LY86: variants seen among roughly 807,000 people sequenced by gnomAD.
LY86 encodes MD-1, RP105-associated.
A neutral mutation model predicts 17.3 loss-of-function variants in LY86; 20 were observed. The observed-to-expected ratio is 1.15, with a 90% CI of 0.81 to 1.68. LY86 has a LOEUF of 1.68. LY86 is among the 40% of genes most tolerant of loss of function. LY86 has a pLI of 0.00. For missense variants in LY86, 200 were observed against 191.9 expected, an observed-to-expected ratio of 1.04 and a Z score of -0.25; for synonymous variants, 74 against 70.6, an observed-to-expected ratio of 1.05 and a Z score of -0.24.
intron 1 of LY86, among the ~76,000 whole-genome samples, chr6:6,613,330 C>T (rs116113766): frequency 0.03 from 4,637 of 152,338 alleles, 138 homozygotes; most frequent in African/African-American, 0.07. Context: ...AGCAGGGTGG[C>T]GCTGCTCGTC....
Position 6,612,036 on chromosome 6 carries a change from GGA to G in LY86, c.137-12884_137-12883del, listed in dbSNP as rs754897595. On this transcript the variant is annotated intron_variant, in intron 1 of 4. Transcript: ENST00000230568. ...ATAATCTTTGTGGTCTCTTGTATTA[GGA>G]GAGAGCAAATTGAAGATGTTAAAAA... is the stretch of plus-strand genomic sequence containing the variant. Among the ~76,000 whole-genome samples the G allele has an allele frequency of 2.6e-4, 39 of 152,290 alleles. 1 individual carries two copies. In the East Asian group the frequency reaches 4.1e-3, roughly 16 times the overall value.
Position 6,613,538 on chromosome 6 carries a change from C to G in LY86, c.137-11388C>G, listed in dbSNP as rs9504872. Among the ~76,000 whole-genome samples, 3 of 152,068 alleles carry G rather than the reference C, an allele frequency of 2.0e-5. No individual in the cohort carries two copies. In the South Asian group the frequency reaches 6.2e-4, roughly 31 times the overall value. Reference sequence around the variant, plus strand: ...GGGCTTGCTGTCAGGCCGGCCGCTCCGAGTGCGGGGCCCGCCGATCCCACG... The same window carrying G: ...GGGCTTGCTGTCAGGCCGGCCGCTCGGAGTGCGGGGCCCGCCGATCCCACG... On this transcript the variant is annotated intron_variant, in intron 1 of 4. Coordinates refer to ENST00000230568, the MANE Select transcript of LY86 (RefSeq NM_004271.4).
intron 1 of LY86, among the ~76,000 whole-genome samples, chr6:6,612,037 G>A (rs1054900604): frequency 4.9e-5 from 6 of 122,138 alleles, no homozygotes; most frequent in Admixed American, 1.7e-4. Context: ...CTTGTATTAG[G>A]AGAGAGCAAA....
intron 2 of LY86, 86 bp from the exon 3 acceptor site, chr6:6,626,207 T>C: frequency 7.4e-7 from 1 of 1,344,918 alleles, no homozygotes; most frequent in Admixed American, 2.2e-5. Context: ...AAAGGTTCTT[T>C]AGCTCATGCT....
chr6:6,626,812 T>C (rs1160639165), intron 3 of LY86, among the ~76,000 whole-genome samples: 1 of 147,508 alleles, frequency 6.8e-6, no homozygotes, highest in Non-Finnish European at 1.5e-5. Context: ...AATATAGTAA[T>C]GGACTTCAAA....
chr6:6,646,751 T>C (rs1329080567), intron 3 of LY86, among the ~76,000 whole-genome samples: 1 of 152,220 alleles, frequency 6.6e-6, no homozygotes, highest in Non-Finnish European at 1.5e-5. Flanking sequence ...TATTATAATC[T>C]TTTCCTTATG....
At chr6:6,592,329 G>A (rs903907816) in intron 1 of LY86, among the ~76,000 whole-genome samples, 4 of 152,242 alleles carry the variant, frequency 2.6e-5, no homozygotes, top group Non-Finnish European at 5.9e-5. Context: ...AGCAAACACA[G>A]TCAGGGCCTT....
intron 1 of LY86, among the ~76,000 whole-genome samples, chr6:6,611,849 A>G (rs915853191): frequency 6.6e-6 from 1 of 152,156 alleles, no homozygotes; most frequent in Non-Finnish European, 1.5e-5. Context: ...TCTCCTGTCA[A>G]TCTAGCATCT....
chr6:6,612,048 T>C (rs999549781), intron 1 of LY86, among the ~76,000 whole-genome samples: 3 of 151,740 alleles, frequency 2.0e-5, no homozygotes, highest in African/African-American at 7.3e-5. Flanking sequence ...AGAGAGCAAA[T>C]TGAAGATGTT....
chr6:6,613,299 C>A (rs907218708), intron 1 of LY86, among the ~76,000 whole-genome samples: 5 of 152,236 alleles, frequency 3.3e-5, no homozygotes, highest in African/African-American at 4.8e-5. Flanking sequence ...CTTGTGCAGT[C>A]TAGGGGACGG....
At chr6:6,597,816 G>A (rs193143634) in intron 1 of LY86, among the ~76,000 whole-genome samples, 4 of 152,340 alleles carry the variant, frequency 2.6e-5, no homozygotes, top group East Asian at 3.9e-4. Context: ...ATCTCCACTC[G>A]CGTTTCCAAG....
At chr6:6,611,404 C>A (rs1387946146) in intron 1 of LY86, among the ~76,000 whole-genome samples, 1 of 152,204 alleles carries the variant, frequency 6.6e-6, no homozygotes, top group Non-Finnish European at 1.5e-5. Flanking sequence ...ATGATAGCAT[C>A]TCTCTTAAGG....
At chr6:6,642,675 G>GT (rs749691917) in intron 3 of LY86, among the ~76,000 whole-genome samples, 12 of 152,204 alleles carry the variant, frequency 7.9e-5, no homozygotes, top group Admixed American at 7.9e-4. Context: ...TAAGGGAACA[G>GT]TAAGGACTAC....
intron 3 of LY86, among the ~76,000 whole-genome samples, chr6:6,626,651 T>C (rs930743649): frequency 6.6e-6 from 1 of 152,182 alleles, no homozygotes; most frequent in African/African-American, 2.4e-5. Flanking sequence ...ACGTATGAGA[T>C]GCTTTAAAAC....
At chr6:6,590,964 T>A (rs1760508835) in intron 1 of LY86, among the ~76,000 whole-genome samples, 1 of 152,160 alleles carries the variant, frequency 6.6e-6, no homozygotes, top group Non-Finnish European at 1.5e-5. Flanking sequence ...TAAAAGAGAA[T>A]GAACGACTGG....
At chr6:6,642,559 A>G (rs986036745) in intron 3 of LY86, among the ~76,000 whole-genome samples, 1 of 152,214 alleles carries the variant, frequency 6.6e-6, no homozygotes, top group South Asian at 2.1e-4. Flanking sequence ...GGATCTAGCT[A>G]CCGTGACATT....
intron 3 of LY86, among the ~76,000 whole-genome samples, chr6:6,631,424 CAGCCCTCCACTAAGACCGGAAAA>C (rs1761897052): frequency 6.6e-6 from 1 of 152,178 alleles, no homozygotes; most frequent in Admixed American, 6.5e-5. Context: ...AAACTCATTT[CAGCCCTCCACTAAGACCGGAAAA>C]AGATTTAAAG....
intron 1 of LY86, among the ~76,000 whole-genome samples, chr6:6,592,494 G>C (rs933061264): frequency 6.6e-6 from 1 of 152,206 alleles, no homozygotes; most frequent in Non-Finnish European, 1.5e-5. Context: ...TGATTGGAAG[G>C]GGAAATAAGC....
intron 1 of LY86, among the ~76,000 whole-genome samples, chr6:6,613,357 C>T (rs1761449347): frequency 6.6e-6 from 1 of 152,214 alleles, no homozygotes; most frequent in African/African-American, 2.4e-5. Flanking sequence ...GCTTGGCCTG[C>T]TCATAAGCTC....
Sources: allele counts gnomAD v4.1 joint callset (sites outside exome capture counted in the v4.1 genomes callset), GRCh38; gene constraint gnomAD v4.1.1; transcripts MANE v1.5; gene names NCBI Gene and HGNC (gene_info 2026-07-23, HGNC 2026-07-21).